The following TOPAZ1 variants were observed in gnomAD, a reference collection of about 807,000 sequenced individuals.
TOPAZ1 encodes protein TOPAZ1.
Under a neutral mutation model 172.2 loss-of-function variants are expected in TOPAZ1, and 66 were observed. The observed-to-expected ratio is 0.38, with a 90% CI of 0.31 to 0.47. The LOEUF is 0.47. Among genes scored for constraint, TOPAZ1 ranks in the 20% least tolerant of loss-of-function variants. The pLI, the probability that TOPAZ1 is intolerant of heterozygous loss-of-function variation, is 0.99. For synonymous variants in TOPAZ1, 681 were observed against 683.9 expected (o/e 1.00, Z 0.07); for missense variants, 1,822 against 1,972.4 (o/e 0.92, Z 1.44).
Position 44,328,326 on chromosome 3 carries a change from A to G in TOPAZ1, c.4752A>G (p.Leu1584=), listed in dbSNP as rs1323523127. 23 of 1,520,252 alleles carry G rather than the reference A, an allele frequency of 1.5e-5. 1 individual carries two copies. The East Asian group carries it at 4.5e-4, about 30-fold the overall frequency. The allele number at this position is 1,520,252 out of a possible 1,614,324, so 94.2% of individuals were successfully genotyped here. Residue 1584 remains leucine (L), a synonymous_variant, in exon 19 of 20, where the codon TTA becomes TTG. Transcript: ENST00000309765. The part of the protein sequence containing the change: ...YRKLLLIPSY[L]SEIEMLLAIE... ...AACTTCTTCTAATTCCATCTTATTTATCTGAGATTGAAATGCTCTTAGCTA... is the reference window on the plus strand; with the variant it reads ...AACTTCTTCTAATTCCATCTTATTTGTCTGAGATTGAAATGCTCTTAGCTA...
downstream of TOPAZ1, among the ~76,000 whole-genome samples, chr3:44,333,037 T>G (rs548193508): frequency 2.0e-5 from 3 of 151,600 alleles, no homozygotes; most frequent in African/African-American, 7.3e-5. Flanking sequence ...TTTCCCAGGC[T>G]GGTCTCAAAC....
intron 16 of TOPAZ1, among the ~76,000 whole-genome samples, chr3:44,311,785 A>C (rs991667315): frequency 6.6e-6 from 1 of 152,202 alleles, no homozygotes; most frequent in Non-Finnish European, 1.5e-5. Context: ...TCTCACTGAT[A>C]ATAAGTGAGA....
chr3:44,249,507 G>T (rs910533196), intron 2 of TOPAZ1, among the ~76,000 whole-genome samples: 6 of 152,156 alleles, frequency 3.9e-5, no homozygotes, highest in Non-Finnish European at 8.8e-5. Context: ...AGGTTTTCCT[G>T]ATTCCATCAG....
intron 11 of TOPAZ1, among the ~76,000 whole-genome samples, chr3:44,290,238 T>C (rs1223947246): frequency 6.6e-6 from 1 of 152,242 alleles, no homozygotes; most frequent in Non-Finnish European, 1.5e-5. Context: ...CCCTTGTTGG[T>C]TCTCTTCATT....
chr3:44,323,267 A>G lies in TOPAZ1; in HGVS notation c.4647A>G (p.Leu1549=), dbSNP rs1175535418. 6.5e-7 allele frequency: 1 copy of G among 1,549,160 alleles called. No individual in the cohort carries two copies. The highest frequency in any genetic ancestry group is 8.7e-7 in the Non-Finnish European group (1 of 1,145,592). The part of the protein sequence containing the change: ...RLITSLGRSR[L]WLKARAHYKS... ...TTACTTCTTTAGGAAGGAGTCGTTT[A>G]TGGCTCAAAGCCAGAGCCCACTACA... The change falls in exon 18 of 20, where the codon TTA becomes TTG. Residue 1549 remains leucine, a synonymous_variant. Transcript: ENST00000309765.
intron 9 of TOPAZ1, among the ~76,000 whole-genome samples, chr3:44,286,072 A>G (rs910574804): frequency 6.6e-6 from 1 of 151,164 alleles, no homozygotes; most frequent in African/African-American, 2.4e-5. Context: ...AAACCTAACC[A>G]GGTTTGGTGG....
intron 19 of TOPAZ1, among the ~76,000 whole-genome samples, chr3:44,331,095 A>G (rs1022137789): frequency 7.9e-5 from 12 of 152,226 alleles, no homozygotes; most frequent in African/African-American, 2.7e-4. Context: ...TTAGTATTTT[A>G]TGCATTCTCA....
chr3:44,285,017 T>C (rs1004656523), intron 9 of TOPAZ1, among the ~76,000 whole-genome samples: 3 of 152,232 alleles, frequency 2.0e-5, no homozygotes, highest in Non-Finnish European at 4.4e-5. Flanking sequence ...GAATATTGTT[T>C]CTTCTTGTGA....
At position 44,242,223 on chromosome 3, in the gene TOPAZ1, C is replaced by T. The variant is rs1187399938; in HGVS notation, c.170C>T (p.Thr57Ile). The T allele has an allele frequency of 6.5e-7, 1 of 1,546,702 alleles. No individual in the cohort carries two copies. Among genetic ancestry groups the T allele is most frequent in the South Asian group, 1.2e-5 (1 of 83,624 alleles). ...AAGAGGAGAATGGTGGCCCGGGCCA[C>T]CCCTGGGAGAGGCGAGGTGGAAAGT... ...KQKRRMVARA[T>I]PGRGEVESDK... Residue 57 changes from threonine to isoleucine, a missense_variant, in exon 1 of 20, where the codon ACC becomes ATC. Transcript: ENST00000309765.
At chr3:44,271,873 G>T (rs1055103048) in intron 8 of TOPAZ1, among the ~76,000 whole-genome samples, 2 of 152,004 alleles carry the variant, frequency 1.3e-5, no homozygotes, top group Non-Finnish European at 2.9e-5. Context: ...TTTAATTGAG[G>T]TTTTGTACTA....
At position 44,254,912 on chromosome 3, in the gene TOPAZ1, G is replaced by A. The variant is rs1365986219; in HGVS notation, c.2766-56G>A. 12 of 1,293,468 alleles carry A rather than the reference G, an allele frequency of 9.3e-6. 1 individual carries two copies. The highest frequency in any genetic ancestry group is 5.4e-5 in the South Asian group (4 of 73,980). 80.1% of individuals were successfully genotyped at this position (1,293,468 alleles called of 1,614,324 possible). ...GACTATTATTAATGTTTAGAGAAGTGGATAGTTCTGCTTAGAATCTATTAT... is the reference window on the plus strand; with the variant it reads ...GACTATTATTAATGTTTAGAGAAGTAGATAGTTCTGCTTAGAATCTATTAT... On this transcript the variant is annotated intron_variant, in intron 2 of 19. Coordinates refer to ENST00000309765, the MANE Select transcript of TOPAZ1 (RefSeq NM_001145030.2).
intron 19 of TOPAZ1, among the ~76,000 whole-genome samples, chr3:44,329,288 G>A (rs1700637533): frequency 6.6e-6 from 1 of 152,240 alleles, no homozygotes; most frequent in Admixed American, 6.5e-5. Flanking sequence ...TTTCCACATA[G>A]TTGGAGTCAA....
chr3:44,312,399 T>C (rs1700406789), intron 16 of TOPAZ1, among the ~76,000 whole-genome samples: 1 of 152,122 alleles, frequency 6.6e-6, no homozygotes, highest in East Asian at 1.9e-4. Context: ...GAAGGAGAAA[T>C]TGAGTGCTTG....
intron 14 of TOPAZ1, among the ~76,000 whole-genome samples, chr3:44,306,082 G>T (rs1020815126): frequency 2.0e-5 from 3 of 152,100 alleles, no homozygotes; most frequent in African/African-American, 7.2e-5. Flanking sequence ...GTAAAAAGCC[G>T]GATAGTAAAT....
chr3:44,253,709 C>T (rs759982722), intron 2 of TOPAZ1, among the ~76,000 whole-genome samples: 1 of 152,126 alleles, frequency 6.6e-6, no homozygotes, highest in Non-Finnish European at 1.5e-5. Flanking sequence ...GTATTATTTC[C>T]CCATCCTTTA....
At chr3:44,262,534 T>G in intron 5 of TOPAZ1, 51 bp downstream of exon 5, 1 of 972,508 alleles carries the variant, frequency 1.0e-6, no homozygotes, top group Non-Finnish European at 1.5e-6. Flanking sequence ...ACTCATCTAA[T>G]TTATATCTTG....
intron 6 of TOPAZ1, among the ~76,000 whole-genome samples, chr3:44,268,366 C>CTTTT (rs34027226): frequency 1.5e-5 from 1 of 67,472 alleles, no homozygotes; most frequent in Non-Finnish European, 2.8e-5. Flanking sequence ...GGTGCCTATT[C>CTTTT]TTTTTTTTTT....
intron 11 of TOPAZ1, among the ~76,000 whole-genome samples, chr3:44,288,562 A>G (rs904615730): frequency 2.0e-5 from 3 of 152,030 alleles, no homozygotes; most frequent in South Asian, 2.1e-4. Context: ...GCGCACTCCT[A>G]TAATCCCAGC....
At chr3:44,312,963 A>G (rs1045737539) in intron 16 of TOPAZ1, among the ~76,000 whole-genome samples, 1 of 152,340 alleles carries the variant, frequency 6.6e-6, no homozygotes, top group East Asian at 1.9e-4. Flanking sequence ...TATCCACTTT[A>G]ATGTTGTTAT....
Sources: allele counts gnomAD v4.1 joint callset (sites outside exome capture counted in the v4.1 genomes callset), GRCh38; gene constraint gnomAD v4.1.1; transcripts MANE v1.5; gene names NCBI Gene and HGNC (gene_info 2026-07-23, HGNC 2026-07-21).